The following DGKB variants were observed in gnomAD, a reference collection of about 807,000 sequenced individuals.
DGKB encodes the protein 90 kDa diacylglycerol kinase.
In DGKB, 67 loss-of-function variants were observed where a neutral mutation model predicts 114.3. That is an observed-to-expected ratio of 0.59 (90% CI 0.48 to 0.72). The LOEUF is 0.72. Among genes scored for constraint, DGKB ranks in the 30% least tolerant of loss-of-function variants. The pLI is 0.00. For missense variants in DGKB, 907 were observed against 975.2 expected (o/e 0.93, Z 0.93); for synonymous variants, 398 against 323.1 (o/e 1.23, Z -2.49).
At chr7:14,196,309 C>T (rs1160210313) in intron 23 of DGKB, among the ~76,000 whole-genome samples, 1 of 152,206 alleles carries the variant, frequency 6.6e-6, no homozygotes. Context: ...AAGAATTATT[C>T]TAGTCATAAA....
chr7:14,295,896 C>T (rs908098636), intron 23 of DGKB, among the ~76,000 whole-genome samples: 1 of 152,062 alleles, frequency 6.6e-6, no homozygotes, highest in African/African-American at 2.4e-5. Context: ...GTGATATTCC[C>T]CTCCCTGTGA....
intron 21 of DGKB, among the ~76,000 whole-genome samples, chr7:14,384,915 C>A (rs1361090357): frequency 6.6e-6 from 1 of 152,132 alleles, no homozygotes; most frequent in Admixed American, 6.5e-5. Flanking sequence ...AGTGCTAAGA[C>A]TGAGAAACTC....
intron 1 of DGKB, among the ~76,000 whole-genome samples, chr7:14,914,849 A>T (rs1431223789): frequency 6.6e-6 from 1 of 152,122 alleles, no homozygotes; most frequent in African/African-American, 2.4e-5. Flanking sequence ...ATTAGAAAAA[A>T]AAAACAACAC....
chr7:14,178,126 C>T lies in DGKB; in HGVS notation c.2148G>A (p.Val716=). 1 of 1,613,430 alleles carries T rather than the reference C, an allele frequency of 6.2e-7. No homozygotes were observed. Among genetic ancestry groups the T allele is most frequent in the Non-Finnish European group, 8.5e-7 (1 of 1,179,726 alleles). Residue 716 remains valine (V), a synonymous_variant, in exon 24 of 26, where the codon GTG becomes GTA. Transcript: ENST00000402815. ...TCTCCATGGCTCCTTCCAAGCCGAC[C>T]ACCTCCAGCAGCTGGTCACTGAGAT... The part of the protein sequence containing the change: ...SQDLSDQLLE[V]VGLEGAMEMG...
chr7:14,766,671 T>C (rs187476349), intron 2 of DGKB, among the ~76,000 whole-genome samples: 94 of 151,966 alleles, frequency 6.2e-4, no homozygotes, highest in Non-Finnish European at 1.0e-3. Context: ...ATAATTTCTA[T>C]ATAAACAGTA....
intron 20 of DGKB, among the ~76,000 whole-genome samples, chr7:14,520,208 C>CTTTTTTTTTT (rs1319688779): frequency 6.4e-4 from 57 of 89,200 alleles, no homozygotes; most frequent in South Asian, 2.4e-3. Flanking sequence ...ATCTTTTTTC[C>CTTTTTTTTTT]TATTTTTTTT....
rs769243762 is a variant in DGKB at position 14,736,067 on chromosome 7, T to C, written c.296A>G (p.Lys99Arg). Reference sequence around the variant, plus strand: ...GCCTGATAGGAGAGCAGGCTTACTTTTTACCATTGGACTAGAATGAGGAAA... The same window carrying C: ...GCCTGATAGGAGAGCAGGCTTACTTCTTACCATTGGACTAGAATGAGGAAA... ...NKFPHSSPMV[K>R]SKPALLSGGL... The change falls in exon 5 of 26, where the codon AAA becomes AGA. Residue 99 changes from lysine to arginine, a missense_variant. By Grantham distance (26) the Lys-to-Arg change is conservative (BLOSUM62 2). Around this residue, in one of 3 missense-constraint regions of DGKB, gnomAD observed 814 missense variants for 856.6 expected, o/e 0.95. Coordinates refer to ENST00000402815, the MANE Select transcript of DGKB (RefSeq NM_001350709.2). 12 of 1,607,010 alleles carry C rather than the reference T, an allele frequency of 7.5e-6. No individual in the cohort carries two copies. The East Asian group carries it at 2.5e-4, about 33-fold the overall frequency.
intron 1 of DGKB, among the ~76,000 whole-genome samples, chr7:14,866,227 T>C (rs1196729328): frequency 2.0e-5 from 3 of 152,152 alleles, no homozygotes. Flanking sequence ...ACCAGAGTGG[T>C]ACATTTGTTG....
intron 12 of DGKB, among the ~76,000 whole-genome samples, chr7:14,681,013 A>C (rs909260555): frequency 1.3e-5 from 2 of 152,110 alleles, no homozygotes; most frequent in Admixed American, 6.6e-5. Flanking sequence ...TGTTAAAGTT[A>C]AGATATAACC....
chr7:14,799,769 A>C (rs1841899782), intron 2 of DGKB, among the ~76,000 whole-genome samples: 1 of 152,168 alleles, frequency 6.6e-6, no homozygotes. Flanking sequence ...CAGCAAGTAC[A>C]GGCTGCTGTG....
chr7:14,322,235 A>G (rs1178649681), intron 23 of DGKB, among the ~76,000 whole-genome samples: 1 of 152,130 alleles, frequency 6.6e-6, no homozygotes, highest in Non-Finnish European at 1.5e-5. Context: ...ATGAGTAGGT[A>G]TGACAGAGAG....
At chr7:14,838,523 ACT>A (rs201519536) in intron 2 of DGKB, among the ~76,000 whole-genome samples, 4 of 150,474 alleles carry the variant, frequency 2.7e-5, no homozygotes, top group African/African-American at 9.8e-5. Context: ...ATTTCAGATC[ACT>A]CTCTCTCTTC....
intron 4 of DGKB, among the ~76,000 whole-genome samples, chr7:14,747,775 G>GCGCGCGCGCGCGCGCACACACACA: frequency 5.6e-4 from 83 of 149,272 alleles, no homozygotes; most frequent in Middle Eastern, 3.5e-3. Flanking sequence ...ACATCCACGC[G>GCGCGCGCGCGCGCGCACACACACA]CACGCACACA....
chr7:14,358,444 C>A (rs28867743), intron 21 of DGKB, among the ~76,000 whole-genome samples: 6,055 of 152,138 alleles, frequency 0.04, 405 homozygotes, highest in African/African-American at 0.13. Context: ...TCCATCAGGT[C>A]ATTTAAAGTC....
intron 1 of DGKB, among the ~76,000 whole-genome samples, chr7:14,952,389 T>C (rs570465808): frequency 7.4e-4 from 113 of 152,152 alleles, no homozygotes; most frequent in African/African-American, 2.6e-3. Flanking sequence ...TGACTTAATA[T>C]TGCTAATATA....
intron 20 of DGKB, among the ~76,000 whole-genome samples, chr7:14,572,315 G>T (rs1457111980): frequency 2.8e-4 from 42 of 151,650 alleles, no homozygotes; most frequent in Admixed American, 2.8e-3. Context: ...AGCCGGGCAT[G>T]GTGGCGGGTG....
intron 21 of DGKB, among the ~76,000 whole-genome samples, chr7:14,405,790 A>G (rs1823840639): frequency 6.6e-6 from 1 of 152,044 alleles, no homozygotes; most frequent in African/African-American, 2.4e-5. Flanking sequence ...TGGGACCTAA[A>G]GAAGAAGGAG....
Position 14,844,310 on chromosome 7 carries a change from G to A in DGKB, c.-187-2860C>T, listed in dbSNP as rs983330860. ...GTACTAAATAGACAACTTTAATATGGAGGCTATGTGTTAGGGATAGGAAGC... is the reference window on the plus strand; with the variant it reads ...GTACTAAATAGACAACTTTAATATGAAGGCTATGTGTTAGGGATAGGAAGC... On this transcript the variant is annotated intron_variant, in intron 1 of 25. Transcript: ENST00000402815. Among the ~76,000 whole-genome samples the A allele has an allele frequency of 5.3e-5, 8 of 152,178 alleles. No homozygotes were observed. The East Asian group carries it at 1.3e-3, about 26-fold the overall frequency.
rs1450346216 is a variant in DGKB, at chr7:14,621,514, G to C, written c.1168-20C>G. ...TCTTTCCTGTAAAAAAGAAAATTTT[G>C]ATAAAAATAAAAATTAGGAAAATAA... On this transcript the variant is annotated intron_variant, in intron 14 of 25. Transcript: ENST00000402815. The C allele has an allele frequency of 2.1e-6, 3 of 1,412,180 alleles. No homozygotes were observed. The South Asian group carries it at 3.9e-5, about 18-fold the overall frequency. The allele number at this position is 1,412,180 out of a possible 1,614,324, so 87.5% of individuals were successfully genotyped here.
Sources: gnomAD v4.1 joint callset for allele counts (sites outside exome capture counted in the v4.1 genomes callset) on GRCh38, gnomAD v4.1.1 for gene constraint, gnomAD v4.1.1 regional missense constraint, MANE v1.5 for transcripts, NCBI Gene and HGNC (gene_info 2026-07-23, HGNC 2026-07-21) for gene names.